The following UTRN variants were observed in gnomAD, a reference collection of about 807,000 sequenced individuals.
The protein encoded by UTRN is dystrophin-related protein 1.
UTRN carries 283 observed loss-of-function variants against 463.9 expected under a neutral mutation model. That is an observed-to-expected ratio of 0.61 (90% CI 0.55 to 0.67). The LOEUF is 0.67. Among genes scored for constraint, UTRN ranks in the 30% least tolerant of loss-of-function variants. UTRN has a pLI of 0.00. For missense variants in UTRN, 3,922 were observed against 4,084.3 expected (o/e 0.96, Z 1.08); for synonymous variants, 1,442 against 1,431.5 (o/e 1.01, Z -0.17).
At chr6:144,759,678 C>G (rs1317514482) in intron 58 of UTRN, among the ~76,000 whole-genome samples, 2 of 151,998 alleles carry the variant, frequency 1.3e-5, no homozygotes, top group African/African-American at 4.8e-5. Flanking sequence ...GCAGGGGAGG[C>G]AGAGATTTGA....
chr6:144,575,466 C>T (rs1801347184), intron 50 of UTRN, among the ~76,000 whole-genome samples: 1 of 152,120 alleles, frequency 6.6e-6, no homozygotes, highest in South Asian at 2.1e-4. Context: ...CTGATTTTTA[C>T]TGTGATACAA....
At chr6:144,664,720 G>A (rs1302677493) in intron 51 of UTRN, among the ~76,000 whole-genome samples, 2 of 151,750 alleles carry the variant, frequency 1.3e-5, no homozygotes, top group African/African-American at 4.8e-5. Flanking sequence ...GCTGTTGGAA[G>A]AAAATTTATA....
chr6:144,347,848 T>TTGTG (rs1293083626), intron 2 of UTRN, among the ~76,000 whole-genome samples: 5 of 143,642 alleles, frequency 3.5e-5, no homozygotes, highest in Non-Finnish European at 2.9e-5. Context: ...TTTTTTTTTT[T>TTGTG]TGTTTTTTTT....
intron 60 of UTRN, among the ~76,000 whole-genome samples, chr6:144,780,515 T>A (rs1390692677): frequency 6.6e-6 from 1 of 152,190 alleles, no homozygotes; most frequent in Admixed American, 6.5e-5. Context: ...ACTCTAATTT[T>A]CCTTACTCAG....
chr6:144,768,941 G>GTTT (rs1204880630), intron 58 of UTRN, among the ~76,000 whole-genome samples: 3 of 96,916 alleles, frequency 3.1e-5, no homozygotes, highest in African/African-American at 1.0e-4. Flanking sequence ...TTGCTACTTT[G>GTTT]TTTTTTGTTT....
chr6:144,637,124 A>G (rs1397573804), intron 51 of UTRN, among the ~76,000 whole-genome samples: 1 of 152,126 alleles, frequency 6.6e-6, no homozygotes, highest in Admixed American at 6.5e-5. Context: ...GCATGCCACC[A>G]CACCCGGCTA....
intron 60 of UTRN, 26 bp downstream of exon 60, chr6:144,774,390 A>G: frequency 1.9e-6 from 3 of 1,548,032 alleles, no homozygotes; most frequent in Non-Finnish European, 2.6e-6. Context: ...AAAGTTAATC[A>G]ATCTGTTACT....
chr6:144,339,436 TAG>T (rs1377500991), intron 2 of UTRN, among the ~76,000 whole-genome samples: 6 of 152,140 alleles, frequency 3.9e-5, no homozygotes, highest in African/African-American at 1.4e-4. Flanking sequence ...ACCTATAGAT[TAG>T]TTCATAGATT....
intron 2 of UTRN, among the ~76,000 whole-genome samples, chr6:144,332,339 A>G (rs2114608875): frequency 6.6e-6 from 1 of 152,324 alleles, no homozygotes; most frequent in African/African-American, 2.4e-5. Flanking sequence ...TTCTGTAGGG[A>G]TGATAGATCC....
rs118034412 is a variant in UTRN at position 144,381,370 on chromosome 6, G to T, written c.80-21753G>T. ...CATGATCTCATTCCATTTTATGGCT[G>T]CATAGTATTCCATAGTGTGTATATG... On this transcript the variant is annotated intron_variant, in intron 2 of 74. Transcript: ENST00000367545. Among the ~76,000 whole-genome samples the T allele has an allele frequency of 7.3e-3, 1,114 of 152,312 alleles. 55 individuals carry two copies. The East Asian group carries it at 0.13, about 18-fold the overall frequency.
chr6:144,453,159 G>A (rs1160912841), intron 18 of UTRN, among the ~76,000 whole-genome samples: 1 of 151,962 alleles, frequency 6.6e-6, no homozygotes, highest in Non-Finnish European at 1.5e-5. Context: ...GTTTTGCTCT[G>A]TTGCCCAGGC....
chr6:144,583,406 C>T, intron 51 of UTRN: 1 of 607,590 alleles, frequency 1.6e-6, no homozygotes, highest in Non-Finnish European at 3.1e-6. Context: ...AGAGAACTGA[C>T]AAATCATTGT....
intron 53 of UTRN, among the ~76,000 whole-genome samples, chr6:144,710,867 G>A (rs866148731): frequency 7.2e-5 from 11 of 152,098 alleles, no homozygotes; most frequent in South Asian, 4.1e-4. Flanking sequence ...AGATTAACCC[G>A]TCAAATTAGA....
chr6:144,625,586 A>G (rs1288556537), intron 51 of UTRN, among the ~76,000 whole-genome samples: 1 of 152,254 alleles, frequency 6.6e-6, no homozygotes, highest in East Asian at 1.9e-4. Flanking sequence ...AAGTGGTTGA[A>G]AAGCCGGAGG....
intron 3 of UTRN, among the ~76,000 whole-genome samples, chr6:144,404,137 G>A (rs765994235): frequency 7.9e-5 from 12 of 152,106 alleles, no homozygotes; most frequent in Non-Finnish European, 1.6e-4. Flanking sequence ...ATTTATAGTT[G>A]GTTATTTGAT....
chr6:144,308,591 C>G (rs1805963174), intron 2 of UTRN, among the ~76,000 whole-genome samples: 1 of 152,158 alleles, frequency 6.6e-6, no homozygotes, highest in Non-Finnish European at 1.5e-5. Flanking sequence ...CCATGCCCGG[C>G]TGACTTTGCC....
chr6:144,728,532 G>A (rs575554141), intron 53 of UTRN, among the ~76,000 whole-genome samples: 6 of 148,886 alleles, frequency 4.0e-5, no homozygotes, highest in Middle Eastern at 3.5e-3. Flanking sequence ...CACAAGCTGC[G>A]TTTGTTAAAT....
intron 34 of UTRN, among the ~76,000 whole-genome samples, chr6:144,503,677 C>CG: frequency 6.7e-6 from 1 of 149,906 alleles, no homozygotes; most frequent in Admixed American, 6.7e-5. Flanking sequence ...TTGAAGTCAG[C>CG]TGGATGCCTC....
intron 2 of UTRN, among the ~76,000 whole-genome samples, chr6:144,357,064 T>G (rs1562288129): frequency 6.6e-6 from 1 of 152,136 alleles, no homozygotes; most frequent in Non-Finnish European, 1.5e-5. Context: ...TGAGGGAGAT[T>G]TTCAGCCTTT....
Sources: allele counts gnomAD v4.1 joint callset (sites outside exome capture counted in the v4.1 genomes callset), GRCh38; gene constraint gnomAD v4.1.1; transcripts MANE v1.5; gene names NCBI Gene and HGNC (gene_info 2026-07-23, HGNC 2026-07-21).